Variants in SLC26A7 observed in about 807,000 individuals in gnomAD.
SLC26A7 encodes the protein solute carrier family 26 member 7, also known as anion exchange transporter.
SLC26A7 carries 59 observed loss-of-function variants against 82.5 expected under a neutral mutation model. That is an observed-to-expected ratio of 0.72 (90% CI 0.58 to 0.89). The LOEUF is 0.89. Ranked by LOEUF, SLC26A7 falls within the 40% of genes least tolerant of loss-of-function variation. SLC26A7 has a pLI of 0.00. For synonymous variants in SLC26A7, 271 were observed against 274.3 expected (o/e 0.99, Z 0.12); for missense variants, 820 against 793.0 (o/e 1.03, Z -0.41).
intron 2 of SLC26A7, among the ~76,000 whole-genome samples, chr8:91,221,424 C>T (rs943579757): frequency 1.3e-5 from 2 of 152,070 alleles, no homozygotes; most frequent in African/African-American, 4.8e-5. Context: ...TAGCTTATGT[C>T]ATTTTGTCAT....
rs897420650 is a variant in SLC26A7 at position 91,397,918 on chromosome 8, G to T, written c.*2821G>T. 3.3e-5 allele frequency: 5 copies of T among 152,488 alleles called. No individual in the cohort carries two copies. The highest frequency in any genetic ancestry group is 9.7e-5 in the African/African-American group (4 of 41,424). 9.4% of individuals were successfully genotyped at this position (152,488 alleles called of 1,614,324 possible). A position where few individuals can be genotyped will look rare whatever the true frequency, so the allele number is the denominator to read the frequency against. Reference sequence around the variant, plus strand: ...TTTTGTGGGATGATAATCTAATTCAGTATAGAATATGCTGTTTGGCAATGA... The same window carrying T: ...TTTTGTGGGATGATAATCTAATTCATTATAGAATATGCTGTTTGGCAATGA... On this transcript the variant is annotated 3_prime_UTR_variant, in exon 19 of 19. Transcript: ENST00000276609.
chr8:91,379,839 G>T (rs1043179175), intron 15 of SLC26A7, among the ~76,000 whole-genome samples: 1 of 151,796 alleles, frequency 6.6e-6, no homozygotes, highest in Non-Finnish European at 1.5e-5. Flanking sequence ...TTACCAGAAG[G>T]TACTATATAA....
At chr8:91,362,185 T>G (rs1282850312) in intron 11 of SLC26A7, among the ~76,000 whole-genome samples, 168 bp from the exon 12 acceptor site, 1 of 152,030 alleles carries the variant, frequency 6.6e-6, no homozygotes, top group Non-Finnish European at 1.5e-5. Context: ...TGGAGCAGGA[T>G]TTGTTTCTGT....
At chr8:91,229,391 TA>T (rs1810283201) in intron 2 of SLC26A7, among the ~76,000 whole-genome samples, 1 of 152,216 alleles carries the variant, frequency 6.6e-6, no homozygotes, top group Admixed American at 6.5e-5. Flanking sequence ...TTTTTCCCTC[TA>T]ACATTTTATT....
At chr8:91,259,738 G>T (rs1194947279) in intron 2 of SLC26A7, among the ~76,000 whole-genome samples, 1 of 152,012 alleles carries the variant, frequency 6.6e-6, no homozygotes, top group Non-Finnish European at 1.5e-5. Context: ...CCTTTCACCT[G>T]ATTATAACCT....
At chr8:91,392,715 T>C (rs781676769) in intron 16 of SLC26A7, among the ~76,000 whole-genome samples, 2 of 152,184 alleles carry the variant, frequency 1.3e-5, no homozygotes, top group Non-Finnish European at 2.9e-5. Flanking sequence ...TTGAAGGAAG[T>C]AGGCTGACTT....
intron 18 of SLC26A7, 36 bp from the exon 19 acceptor site, chr8:91,395,026 A>G (rs1249944513): frequency 6.2e-7 from 1 of 1,605,790 alleles, no homozygotes; most frequent in Admixed American, 1.7e-5. Flanking sequence ...GAGTTGAGTA[A>G]ATAGCACATA....
At chr8:91,350,277 A>G (rs1238277585) in intron 9 of SLC26A7, among the ~76,000 whole-genome samples, 3 of 152,006 alleles carry the variant, frequency 2.0e-5, no homozygotes, top group African/African-American at 7.2e-5. Flanking sequence ...TAATAGTACC[A>G]GGTTAGGACA....
chr8:91,308,699 T>C (rs1300858140), intron 4 of SLC26A7, among the ~76,000 whole-genome samples: 1 of 152,200 alleles, frequency 6.6e-6, no homozygotes, highest in East Asian at 1.9e-4. Flanking sequence ...TATTCTCCCC[T>C]ATTTATTTAT....
chr8:91,388,420 A>G (rs1397593547), intron 15 of SLC26A7, among the ~76,000 whole-genome samples: 2 of 152,052 alleles, frequency 1.3e-5, no homozygotes, highest in African/African-American at 2.4e-5. Context: ...TTTTCTCCCA[A>G]CTTGAGAAAG....
chr8:91,309,929 C>T (rs1487027948), intron 4 of SLC26A7, among the ~76,000 whole-genome samples: 1 of 152,028 alleles, frequency 6.6e-6, no homozygotes, highest in African/African-American at 2.4e-5. Flanking sequence ...CCTACCCACT[C>T]GAATGTCCCT....
At chr8:91,234,827 A>ACCTACCTACTTCCTTCCTTC (rs1386380375) in intron 2 of SLC26A7, among the ~76,000 whole-genome samples, 49 of 92,534 alleles carry the variant, frequency 5.3e-4, no homozygotes, top group Middle Eastern at 5.3e-3. Context: ...CTACCTACCT[A>ACCTACCTACTTCCTTCCTTC]CTTCCTTCCT....
chr8:91,354,635 G>A (rs562837905), intron 11 of SLC26A7, among the ~76,000 whole-genome samples: 54 of 152,264 alleles, frequency 3.5e-4, no homozygotes, highest in African/African-American at 1.2e-3. Flanking sequence ...TACAGGAACT[G>A]GAGCACTGCT....
At chr8:91,255,170 G>T (rs1810767329) in intron 2 of SLC26A7, among the ~76,000 whole-genome samples, 1 of 152,112 alleles carries the variant, frequency 6.6e-6, no homozygotes, top group South Asian at 2.1e-4. Context: ...ATTTCCAAGG[G>T]CTCACCTAGA....
At chr8:91,235,158 A>G (rs1012483155) in intron 2 of SLC26A7, among the ~76,000 whole-genome samples, 18 of 152,140 alleles carry the variant, frequency 1.2e-4, no homozygotes, top group African/African-American at 4.1e-4. Context: ...TCCTGGGCTC[A>G]AGCAATCCTT....
rs137893281 is a variant in SLC26A7, at chr8:91,380,087, C to G, written c.1676-9251C>G. Among the ~76,000 whole-genome samples the G allele has an allele frequency of 2.9e-3, 446 of 152,070 alleles. 1 individual carries two copies. Among genetic ancestry groups the G allele is most frequent in the Non-Finnish European group, 5.0e-3 (340 of 67,920 alleles). On this transcript the variant is annotated intron_variant, in intron 15 of 18. Transcript: ENST00000276609. Reference sequence around the variant, plus strand: ...ATTCACAGCTATTATTGGGGAAATGCAAATTAAATAACTCTATATGTATGA... The same window carrying G: ...ATTCACAGCTATTATTGGGGAAATGGAAATTAAATAACTCTATATGTATGA...
intron 4 of SLC26A7, among the ~76,000 whole-genome samples, chr8:91,314,659 A>G (rs975910499): frequency 6.6e-6 from 1 of 152,168 alleles, no homozygotes; most frequent in Admixed American, 6.5e-5. Context: ...TCATATGCCC[A>G]GTGGTTTGTA....
intron 2 of SLC26A7, among the ~76,000 whole-genome samples, chr8:91,275,556 T>A (rs117821335): frequency 0.016 from 2,507 of 152,312 alleles, 27 homozygotes; most frequent in Non-Finnish European, 0.027. Flanking sequence ...CTCCTTGGTC[T>A]CTCAAGAGCT....
chr8:91,215,670 A>G (rs1169639377), intron 1 of SLC26A7, among the ~76,000 whole-genome samples: 1 of 152,210 alleles, frequency 6.6e-6, no homozygotes, highest in East Asian at 1.9e-4. Context: ...ATAATCACAG[A>G]CCAACTCCTT....
Sources: allele counts gnomAD v4.1 joint callset (sites outside exome capture counted in the v4.1 genomes callset), GRCh38; gene constraint gnomAD v4.1.1; transcripts MANE v1.5; gene names NCBI Gene and HGNC (gene_info 2026-07-23, HGNC 2026-07-21).